Variants in DPH6 observed in about 807,000 individuals in gnomAD.
DPH6 encodes the protein diphthamine biosynthesis 6, also known as diphthine--ammonia ligase.
In DPH6, 33 loss-of-function variants were observed where a neutral mutation model predicts 38.2. The ratio of observed to expected loss-of-function variants is 0.86; its 90% CI spans 0.65 to 1.15. DPH6 has a LOEUF of 1.15. Ranked by LOEUF, DPH6 falls within the 50% of genes most tolerant of loss-of-function variation. The pLI, the probability that DPH6 is intolerant of heterozygous loss-of-function variation, is 0.00. For synonymous variants in DPH6, 108 were observed against 103.0 expected (o/e 1.05, Z -0.30); for missense variants, 325 against 320.0 (o/e 1.02, Z -0.12).
chr15:35,542,115 T>A (rs1399595285), intron 2 of DPH6, among the ~76,000 whole-genome samples: 1 of 152,094 alleles, frequency 6.6e-6, no homozygotes, highest in Non-Finnish European at 1.5e-5. Flanking sequence ...TACTTTGAAG[T>A]AAGAAGGTTC....
At chr15:35,377,701 G>A (rs899952241) in intron 7 of DPH6, among the ~76,000 whole-genome samples, 4 of 152,008 alleles carry the variant, frequency 2.6e-5, no homozygotes, top group South Asian at 4.2e-4. Context: ...CAATAGACAC[G>A]AAAAGTGAAT....
chr15:35,218,703 C>A (rs1485010926), exon 4 of DPH6: 1 of 151,840 alleles, frequency 6.6e-6, no homozygotes, highest in Admixed American at 6.6e-5. Context: ...AATTATGAAA[C>A]GTGAGATCTT....
intron 3 of DPH6, among the ~76,000 whole-genome samples, chr15:35,257,094 T>G (rs979745121): frequency 6.6e-6 from 1 of 152,124 alleles, no homozygotes; most frequent in African/African-American, 2.4e-5. Flanking sequence ...TATAGTGCCA[T>G]CAATACTGGG....
chr15:35,309,102 T>C (rs2052118116), intron 3 of DPH6, among the ~76,000 whole-genome samples: 1 of 152,210 alleles, frequency 6.6e-6, no homozygotes, highest in Non-Finnish European at 1.5e-5. Flanking sequence ...ACAACTGAAG[T>C]CTGATTGCAG....
chr15:35,194,373 G>GAGAGAGAGAGAGAGAGAGAGAGAT, the DPH6 span, among the ~76,000 whole-genome samples: 1 of 150,022 alleles, frequency 6.7e-6, no homozygotes, highest in African/African-American at 2.4e-5. Flanking sequence ...TTTTTCCAGA[G>GAGAGAGAGAGAGAGAGAGAGAGAT]AGAGAGAGAG....
At chr15:35,458,604 G>T (rs2054025567) in intron 3 of DPH6, among the ~76,000 whole-genome samples, 1 of 152,128 alleles carries the variant, frequency 6.6e-6, no homozygotes, top group Non-Finnish European at 1.5e-5. Context: ...AATAGCAATG[G>T]AAGTGTCAGC....
At chr15:35,520,974 T>A (rs930855386) in intron 3 of DPH6, 19 of 985,090 alleles carry the variant, frequency 1.9e-5, no homozygotes, top group Non-Finnish European at 2.0e-5. Flanking sequence ...TGTGAAAGTG[T>A]TACAAATTCT....
chr15:35,415,047 C>A (rs1239274478), intron 5 of DPH6, among the ~76,000 whole-genome samples: 2 of 151,946 alleles, frequency 1.3e-5, no homozygotes, highest in Admixed American at 1.3e-4. Flanking sequence ...CACACAACTT[C>A]AGTCCTGTTC....
intron 3 of DPH6, among the ~76,000 whole-genome samples, chr15:35,236,430 A>C (rs2051551320): frequency 6.6e-6 from 1 of 152,206 alleles, no homozygotes; most frequent in South Asian, 2.1e-4. Flanking sequence ...CGAGGTCAGG[A>C]GATCGAGACC....
chr15:35,511,640 G>A (rs954980976), intron 3 of DPH6, among the ~76,000 whole-genome samples: 1 of 151,974 alleles, frequency 6.6e-6, no homozygotes, highest in African/African-American at 2.4e-5. Flanking sequence ...TTATCCCCAT[G>A]CTCAAGTCGG....
chr15:35,538,779 T>C (rs2055210859), intron 2 of DPH6, among the ~76,000 whole-genome samples: 1 of 152,156 alleles, frequency 6.6e-6, no homozygotes. Flanking sequence ...AAATTTTGAT[T>C]AGTTTATTCA....
At chr15:35,283,321 T>C (rs949487935) in intron 3 of DPH6, among the ~76,000 whole-genome samples, 1 of 151,774 alleles carries the variant, frequency 6.6e-6, no homozygotes, top group Non-Finnish European at 1.5e-5. Context: ...CTTCTTTCTT[T>C]TGAGTCAGAG....
chr15:35,207,035 A>C, the DPH6 span, among the ~76,000 whole-genome samples: 1 of 132,300 alleles, frequency 7.6e-6, no homozygotes, highest in Non-Finnish European at 1.6e-5. Flanking sequence ...CAATTTAGTA[A>C]AGCTTTTTTT....
At chr15:35,360,173 TCTC>T (rs1454195526) in intron 3 of DPH6, among the ~76,000 whole-genome samples, 1 of 152,152 alleles carries the variant, frequency 6.6e-6, no homozygotes, top group African/African-American at 2.4e-5. Context: ...GTAAAAAACT[TCTC>T]CTGCTGGGTC....
At chr15:35,545,419 G>A (rs1257888399) in intron 1 of DPH6, among the ~76,000 whole-genome samples, 1 of 152,186 alleles carries the variant, frequency 6.6e-6, no homozygotes, top group Non-Finnish European at 1.5e-5. Flanking sequence ...ATAGGGTAAG[G>A]TCACTCTAAA....
At chr15:35,457,255 C>G (rs2054008977) in intron 3 of DPH6, among the ~76,000 whole-genome samples, 1 of 151,914 alleles carries the variant, frequency 6.6e-6, no homozygotes, top group Non-Finnish European at 1.5e-5. Flanking sequence ...GTGCCTGGCC[C>G]CATTTATTTT....
the DPH6 span, among the ~76,000 whole-genome samples, chr15:35,177,550 C>T: frequency 6.9e-6 from 1 of 145,606 alleles, no homozygotes; most frequent in African/African-American, 2.6e-5. Context: ...TGCACTTGCA[C>T]TCCACCCTGG....
intron 3 of DPH6, among the ~76,000 whole-genome samples, chr15:35,272,817 G>A (rs771307176): frequency 4.6e-5 from 7 of 151,862 alleles, no homozygotes; most frequent in Non-Finnish European, 1.0e-4. Flanking sequence ...TGAGGCAGGA[G>A]AATCGCTTGA....
intron 3 of DPH6, among the ~76,000 whole-genome samples, chr15:35,250,127 G>A (rs931035798): frequency 6.6e-6 from 1 of 151,868 alleles, no homozygotes; most frequent in South Asian, 2.1e-4. Flanking sequence ...GCAGTGAGCC[G>A]AGATCGCGCC....
Sources: gnomAD v4.1 joint callset for allele counts (sites outside exome capture counted in the v4.1 genomes callset) on GRCh38, gnomAD v4.1.1 for gene constraint, MANE v1.5 for transcripts, NCBI Gene and HGNC (gene_info 2026-07-23, HGNC 2026-07-21) for gene names.